Variants in ZMYND11 observed in about 807,000 individuals in gnomAD.
ZMYND11 encodes zinc finger MYND domain-containing protein 11.
Under a neutral mutation model 84.9 loss-of-function variants are expected in ZMYND11, and 9 were observed. That is an observed-to-expected ratio of 0.11 (90% CI 0.06 to 0.18). The LOEUF (loss-of-function observed/expected upper bound fraction) is 0.18, where lower values mean the gene tolerates loss of function less well. ZMYND11 is among the 10% of genes least tolerant of loss of function. The pLI is 1.00. For missense variants in ZMYND11, 409 were observed against 761.0 expected, an observed-to-expected ratio of 0.54 and a Z score of 5.44; for synonymous variants, 250 against 244.1, an observed-to-expected ratio of 1.02 and a Z score of -0.23.
At chr10:199,812 A>C (rs1461570648) in intron 2 of ZMYND11, among the ~76,000 whole-genome samples, 2 of 114,892 alleles carry the variant, frequency 1.7e-5, no homozygotes, top group Admixed American at 1.0e-4. Context: ...TTATTTTACT[A>C]GTATTAACAT....
rs568944197 is a variant in ZMYND11 at position 180,143 on chromosome 10, A to G, written c.116+15A>G. On this transcript the variant is annotated intron_variant, in intron 2 of 14. Transcript: ENST00000381604. ...CGTATTACAAAGTAAGTAAATTTAA[A>G]CACAAATATCTCTGTAAAATGTCGT... 44 of 1,593,146 alleles carry G rather than the reference A, an allele frequency of 2.8e-5. No homozygotes were observed. The East Asian group carries it at 9.8e-4, about 36-fold the overall frequency.
intron 10 of ZMYND11, among the ~76,000 whole-genome samples, chr10:245,231 AAAT>A (rs1433048107): frequency 6.6e-6 from 1 of 152,216 alleles, no homozygotes; most frequent in African/African-American, 2.4e-5. Flanking sequence ...ATATATTCAT[AAAT>A]AATGTTATGG....
At chr10:200,998 G>T (rs1478167269) in intron 2 of ZMYND11, among the ~76,000 whole-genome samples, 1 of 151,952 alleles carries the variant, frequency 6.6e-6, no homozygotes, top group South Asian at 2.1e-4. Context: ...ATCTAGTCAG[G>T]TATTTTGCAT....
At chr10:168,951 G>A (rs782269256) in intron 1 of ZMYND11, among the ~76,000 whole-genome samples, 6 of 152,098 alleles carry the variant, frequency 3.9e-5, no homozygotes, top group Admixed American at 2.0e-4. Flanking sequence ...ACAGTTTTGA[G>A]TTTTTACCTC....
At chr10:179,400 C>G (rs1272161859) in intron 1 of ZMYND11, among the ~76,000 whole-genome samples, 1 of 152,142 alleles carries the variant, frequency 6.6e-6, no homozygotes, top group Non-Finnish European at 1.5e-5. Context: ...CCAAAACTTA[C>G]ACCTAATCCA....
At chr10:198,089 A>G (rs1942245533) in intron 2 of ZMYND11, 1 of 426,878 alleles carries the variant, frequency 2.3e-6, no homozygotes, top group African/African-American at 2.0e-5. Flanking sequence ...GCTGTAAAAT[A>G]TATAATTTAT....
At chr10:186,918 C>T (rs530598808) in intron 2 of ZMYND11, among the ~76,000 whole-genome samples, 1 of 152,032 alleles carries the variant, frequency 6.6e-6, no homozygotes, top group Admixed American at 6.5e-5. Flanking sequence ...TTTTTTTCCC[C>T]ACATTCTTTT....
At chr10:198,897 A>G (rs1158221595) in intron 2 of ZMYND11, among the ~76,000 whole-genome samples, 1 of 152,200 alleles carries the variant, frequency 6.6e-6, no homozygotes, top group East Asian at 1.9e-4. Flanking sequence ...CAAATCAGGA[A>G]TTGACATGAT....
intron 2 of ZMYND11, among the ~76,000 whole-genome samples, chr10:188,390 C>G (rs1160283782): frequency 6.6e-6 from 1 of 151,754 alleles, no homozygotes; most frequent in East Asian, 1.9e-4. Context: ...AGCTTCAAAA[C>G]CAGCCTGGGC....
chr10:201,441 A>C (rs1943122137), intron 2 of ZMYND11, among the ~76,000 whole-genome samples: 2 of 152,120 alleles, frequency 1.3e-5, no homozygotes, highest in Non-Finnish European at 2.9e-5. Flanking sequence ...CAATATATTC[A>C]TTTCAAATGA....
chr10:176,961 AC>A (rs1478919533), intron 1 of ZMYND11, among the ~76,000 whole-genome samples: 1 of 152,110 alleles, frequency 6.6e-6, no homozygotes, highest in Admixed American at 6.5e-5. Flanking sequence ...ATCAACAAGG[AC>A]CTTAAGTAAT....
At chr10:236,607 T>C (rs1315054061) in intron 4 of ZMYND11, among the ~76,000 whole-genome samples, 2 of 152,194 alleles carry the variant, frequency 1.3e-5, no homozygotes, top group East Asian at 3.8e-4. Flanking sequence ...TATAATCCTG[T>C]AAGGATATTA....
chr10:135,437 C>G (rs1381286366), upstream of ZMYND11: 1 of 151,316 alleles, frequency 6.6e-6, no homozygotes. The surrounding 1 kb of genome is among the most constrained non-coding windows in gnomAD (Gnocchi z 5.6). Flanking sequence ...CTGAGCGTCC[C>G]CCCCGCCCCC....
At chr10:230,653 T>C (rs1452461457) in intron 4 of ZMYND11, among the ~76,000 whole-genome samples, 2 of 152,188 alleles carry the variant, frequency 1.3e-5, no homozygotes, top group African/African-American at 2.4e-5. Flanking sequence ...CAGCAATTGA[T>C]ATTTCAGTGT....
intron 2 of ZMYND11, among the ~76,000 whole-genome samples, chr10:189,483 A>G (rs1263198893): frequency 5.3e-5 from 8 of 152,238 alleles, no homozygotes; most frequent in Non-Finnish European, 1.2e-4. Context: ...GATTCTCCAC[A>G]GAATTGCCTG....
upstream of ZMYND11, among the ~76,000 whole-genome samples, chr10:133,208 A>G (rs1554750341): frequency 6.6e-6 from 1 of 152,258 alleles, no homozygotes; most frequent in Non-Finnish European, 1.5e-5. Context: ...CTGGAAAAGA[A>G]TTCTGTCCTT....
intron 2 of ZMYND11, among the ~76,000 whole-genome samples, chr10:208,733 CAG>C (rs1944637024): frequency 6.6e-6 from 1 of 152,124 alleles, no homozygotes; most frequent in Non-Finnish European, 1.5e-5. Flanking sequence ...GATCAGAGAA[CAG>C]AACGTTAGCC....
chr10:247,005 CATT>C, intron 11 of ZMYND11, 32 bp downstream of exon 11: 1 of 1,551,376 alleles, frequency 6.4e-7, no homozygotes, highest in Non-Finnish European at 8.8e-7. Flanking sequence ...AGTGCCTATT[CATT>C]ATTACTTTTA....
At chr10:169,470 A>G (rs976463390) in intron 1 of ZMYND11, among the ~76,000 whole-genome samples, 4 of 152,198 alleles carry the variant, frequency 2.6e-5, no homozygotes, top group African/African-American at 9.6e-5. Context: ...AGAGTCAGAT[A>G]TGGCAGGAAT....
Sources: allele counts gnomAD v4.1 joint callset (sites outside exome capture counted in the v4.1 genomes callset), GRCh38; gene constraint gnomAD v4.1.1; non-coding constraint Gnocchi (gnomAD v3.1); transcripts MANE v1.5; gene names NCBI Gene and HGNC (gene_info 2026-07-23, HGNC 2026-07-21).